Variants in NXNL2 observed in about 807,000 individuals in gnomAD.
NXNL2 encodes the protein nucleoredoxin like 2, also known as nucleoredoxin-like protein 2.
In NXNL2, 7 loss-of-function variants were observed where a neutral mutation model predicts 11.1. The ratio of observed to expected loss-of-function variants is 0.63; its 90% CI spans 0.36 to 1.18. The LOEUF (loss-of-function observed/expected upper bound fraction) is 1.18, where lower values mean the gene tolerates loss of function less well. Among genes scored for constraint, NXNL2 ranks in the 50% most tolerant of loss-of-function variants. The probability of loss-of-function intolerance (pLI) is 0.02; values close to 1 mark genes in which losing one functional copy is unlikely to be tolerated. For synonymous variants in NXNL2, 109 were observed against 101.8 expected, an observed-to-expected ratio of 1.07 and a Z score of -0.42; for missense variants, 233 against 217.7, an observed-to-expected ratio of 1.07 and a Z score of -0.44.
chr9:88,544,253 C>T, intron 1 of NXNL2, 126 bp from the exon 2 acceptor site: 2 of 684,652 alleles, frequency 2.9e-6, no homozygotes, highest in Admixed American at 2.5e-5. Context: ...AGAGCAGGAG[C>T]AGGCTGGGTG....
downstream of NXNL2, among the ~76,000 whole-genome samples, chr9:88,579,265 C>G (rs1296654594): frequency 6.6e-6 from 1 of 152,196 alleles, no homozygotes; most frequent in Non-Finnish European, 1.5e-5. Flanking sequence ...ACATGGCTCT[C>G]TTGGTTGCGG....
Position 88,544,858 on chromosome 9 carries a change from A to T in NXNL2, c.*311A>T, listed in dbSNP as rs1191334333. ...AAATCTATGCAAGACATTTATTTGT[A>T]CAAGTCTCTTCAGGTAAAATAATAT... On this transcript the variant is annotated 3_prime_UTR_variant, in exon 2 of 2. Coordinates refer to ENST00000375854, the MANE Select transcript of NXNL2 (RefSeq NM_001161625.2). 18 of 1,046,684 alleles carry T rather than the reference A, an allele frequency of 1.7e-5. No individual in the cohort carries two copies. The highest frequency in any genetic ancestry group is 1.8e-5 in the Non-Finnish European group (16 of 868,366). 64.8% of individuals were successfully genotyped at this position (1,046,684 alleles called of 1,614,324 possible).
At chr9:88,565,152 A>G (rs1830150732) in intron 1 of NXNL2, among the ~76,000 whole-genome samples, 1 of 152,212 alleles carries the variant, frequency 6.6e-6, no homozygotes, top group South Asian at 2.1e-4. Flanking sequence ...TGAGCATGAT[A>G]TCCTCAAGGT....
intron 1 of NXNL2, among the ~76,000 whole-genome samples, chr9:88,543,940 C>T (rs955345741): frequency 4.6e-5 from 7 of 152,164 alleles, no homozygotes; most frequent in Non-Finnish European, 7.3e-5. Flanking sequence ...GAGGCCAAGG[C>T]GGGCAGATCA....
At chr9:88,556,339 G>C (rs2118477100) in intron 1 of NXNL2, among the ~76,000 whole-genome samples, 1 of 152,276 alleles carries the variant, frequency 6.6e-6, no homozygotes, top group Admixed American at 6.5e-5. Context: ...TGGGTCTTGG[G>C]TTCTTGTCCA....
chr9:88,535,568 C>T lies in NXNL2; in HGVS notation c.134C>T (p.Thr45Met). Residue 45 changes from threonine to methionine, a missense_variant, in exon 1 of 2, where the codon ACG (threonine) becomes ATG (methionine). By Grantham distance (81) the Thr-to-Met change is moderately conservative. Transcript: ENST00000375854. ...CGGTGCGCGCCGAGCCGCGACTTCA[C>T]GCCGCTGCTCTGCGACTTCTATACG... ...AARCAPSRDFTPLLCDFYTAL... is the reference protein window; with the variant it reads ...AARCAPSRDFMPLLCDFYTAL... 4 of 1,609,438 alleles carry T rather than the reference C, an allele frequency of 2.5e-6. No homozygotes were observed. Among genetic ancestry groups the T allele is most frequent in the South Asian group, 1.1e-5 (1 of 90,908 alleles).
At chr9:88,553,542 A>T (rs1373378761) in intron 1 of NXNL2, among the ~76,000 whole-genome samples, 1 of 151,826 alleles carries the variant, frequency 6.6e-6, no homozygotes, top group Non-Finnish European at 1.5e-5. Context: ...GCATCGCTTT[A>T]TTTTTTTCTC....
At chr9:88,568,391 G>A (rs11790441) in intron 1 of NXNL2, among the ~76,000 whole-genome samples, 5,844 of 152,260 alleles carry the variant, frequency 0.038, 157 homozygotes, top group Non-Finnish European at 0.057. Flanking sequence ...GAGCCCGGGG[G>A]TGTCGTCCCT....
chr9:88,565,699 G>A (rs1212010059), intron 1 of NXNL2, among the ~76,000 whole-genome samples: 1 of 152,048 alleles, frequency 6.6e-6, no homozygotes, highest in African/African-American at 2.4e-5. Flanking sequence ...CACCACACCT[G>A]GCTAATTTTG....
In NXNL2 at chr9:88,563,507, A is replaced by G. The variant is rs376861277; in HGVS notation, c.303-7580A>G. 7.2e-5 allele frequency among the ~76,000 whole-genome samples: 11 copies of G among 151,858 alleles called. No homozygotes were observed. The East Asian group carries it at 7.7e-4, about 11-fold the overall frequency. On this transcript the variant is annotated intron_variant, in intron 1 of 2. Coordinates refer to the NXNL2 transcript ENST00000375855. Reference sequence around the variant, plus strand: ...CCCTCCTTGCGCCCCTCAGCCTCTCACTTGCGTGGTCACAGTGGGCTCTCC... The same window carrying G: ...CCCTCCTTGCGCCCCTCAGCCTCTCGCTTGCGTGGTCACAGTGGGCTCTCC...
chr9:88,546,732 T>C (rs7875543), downstream of NXNL2, among the ~76,000 whole-genome samples: 13,683 of 151,992 alleles, frequency 0.09, 2,071 homozygotes, highest in African/African-American at 0.31. Context: ...ACTTTAATAT[T>C]ATAACATCCC....
chr9:88,571,193 G>A (rs541822686), exon 2 of NXNL2: 1 of 292,672 alleles, frequency 3.4e-6, no homozygotes, highest in Non-Finnish European at 6.6e-6. Flanking sequence ...AGCCTCCTGA[G>A]CATCTGGGAC....
intron 1 of NXNL2, among the ~76,000 whole-genome samples, chr9:88,538,176 G>A (rs1454575224): frequency 6.6e-6 from 1 of 152,162 alleles, no homozygotes; most frequent in Admixed American, 6.5e-5. Context: ...CAGCTCCAAG[G>A]TTACATTTGT....
chr9:88,558,109 A>T (rs1317957654), intron 1 of NXNL2, among the ~76,000 whole-genome samples: 1 of 152,184 alleles, frequency 6.6e-6, no homozygotes, highest in Non-Finnish European at 1.5e-5. Flanking sequence ...GAATAGCCTC[A>T]GGATGGGGCT....
chr9:88,572,151 G>A lies in NXNL2; in HGVS notation c.*16+943G>A, dbSNP rs181141623. 8.0e-4 allele frequency among the ~76,000 whole-genome samples: 121 copies of A among 151,058 alleles called. 3 individuals are homozygous for A. The East Asian group carries it at 0.02, about 25-fold the overall frequency. On this transcript the variant is annotated intron_variant, in intron 2 of 2. Coordinates refer to the NXNL2 transcript ENST00000375855. ...CCCTAAATAGCTGACCCCAAGTTCC[G>A]TTATAATAGCACTAGAACCTTTAAC...
At chr9:88,558,956 T>C (rs1830052832) in intron 1 of NXNL2, among the ~76,000 whole-genome samples, 1 of 152,044 alleles carries the variant, frequency 6.6e-6, no homozygotes, top group African/African-American at 2.4e-5. Flanking sequence ...GTGGTCCCTG[T>C]CCCCATCTTT....
intron 2 of NXNL2, among the ~76,000 whole-genome samples, chr9:88,574,814 T>A (rs779465500): frequency 5.3e-5 from 8 of 152,120 alleles, no homozygotes; most frequent in Non-Finnish European, 1.2e-4. Flanking sequence ...TTGCGAAGAC[T>A]GGAAACTTGC....
At chr9:88,544,318 C>T (rs1277555559) in intron 1 of NXNL2, 61 bp from the exon 2 acceptor site, 30 of 1,438,572 alleles carry the variant, frequency 2.1e-5, no homozygotes, top group East Asian at 5.1e-5. Context: ...AGGGAGGGGG[C>T]GTGTCCCTTC....
chr9:88,564,442 G>A (rs949883565), intron 1 of NXNL2, among the ~76,000 whole-genome samples: 2 of 151,772 alleles, frequency 1.3e-5, no homozygotes, highest in Admixed American at 1.3e-4. Context: ...TTGAGATGGA[G>A]TTTCACTCTT....
Sources: gnomAD v4.1 joint callset for allele counts (sites outside exome capture counted in the v4.1 genomes callset) on GRCh38, gnomAD v4.1.1 for gene constraint, MANE v1.5 for transcripts, NCBI Gene and HGNC (gene_info 2026-07-23, HGNC 2026-07-21) for gene names.